Variants in NBAS observed in about 807,000 individuals in gnomAD.
NBAS encodes NBAS subunit of NRZ tethering complex.
A neutral mutation model predicts 302.5 loss-of-function variants in NBAS; 219 were observed. That is an observed-to-expected ratio of 0.72 (90% CI 0.65 to 0.81). The LOEUF (loss-of-function observed/expected upper bound fraction) is 0.81. Among genes scored for constraint, NBAS ranks in the 30% least tolerant of loss-of-function variants. The pLI is 0.00. For missense variants in NBAS, 2,932 were observed against 2,841.6 expected, an observed-to-expected ratio of 1.03 and a Z score of -0.72; for synonymous variants, 1,118 against 1,021.6, an observed-to-expected ratio of 1.09 and a Z score of -1.80.
In NBAS at chr2:15,238,821, T is replaced by C. The variant is rs547718664; in HGVS notation, c.5725-135A>G. ...AACCAATAAATAGCACTTGTTATAC[T>C]AGTTTTTCTTCTGTGAAGAAAACAA... is the stretch of plus-strand genomic sequence containing the variant. On this transcript the variant is annotated intron_variant, in intron 44 of 51. Coordinates refer to ENST00000281513, the MANE Select transcript of NBAS (RefSeq NM_015909.4). 1.1e-5 allele frequency: 8 copies of C among 724,298 alleles called. No homozygotes were observed. The Admixed American group carries it at 1.9e-4, about 17-fold the overall frequency. The allele number at this position is 724,298 out of a possible 1,614,324, so 44.9% of individuals were successfully genotyped here.
rs115161558 is a variant in NBAS, at chr2:15,385,935, C to T, written c.3258-2618G>A. Among the ~76,000 whole-genome samples the T allele has an allele frequency of 8.0e-3, 1,220 of 152,240 alleles. 14 individuals are homozygous for T. Among genetic ancestry groups the T allele is most frequent in the African/African-American group, 0.028 (1,154 of 41,540 alleles). ...GTGGTAGGTAATCTAGCAGCAATTG[C>T]AATGCTTTCCTGCTGAAAAGTAGAT... On this transcript the variant is annotated intron_variant, in intron 28 of 51. Coordinates refer to ENST00000281513, the MANE Select transcript of NBAS (RefSeq NM_015909.4).
chr2:14,796,825 T>C, the NBAS span, among the ~76,000 whole-genome samples: 2 of 150,492 alleles, frequency 1.3e-5, no homozygotes, highest in Non-Finnish European at 2.9e-5. Context: ...ACCTACAGCC[T>C]ATGCCTCCCC....
intron 4 of NBAS, 21 bp downstream of exon 4, chr2:15,554,040 T>TATATA: frequency 6.2e-7 from 1 of 1,601,642 alleles, no homozygotes; most frequent in Non-Finnish European, 8.6e-7. Context: ...CAGAAAAACA[T>TATATA]TGAATTTCAC....
the NBAS span, among the ~76,000 whole-genome samples, chr2:14,864,411 A>T: frequency 6.6e-6 from 1 of 152,142 alleles, no homozygotes. Context: ...ACTACCCAAC[A>T]GGTAGCCATA....
intron 9 of NBAS, among the ~76,000 whole-genome samples, chr2:15,527,753 A>C (rs1662987627): frequency 6.6e-6 from 1 of 152,198 alleles, no homozygotes; most frequent in Non-Finnish European, 1.5e-5. Context: ...ATAGAAAAAA[A>C]TTAACAATAA....
At chr2:15,045,838 A>G in the NBAS span, among the ~76,000 whole-genome samples, 2 of 152,180 alleles carry the variant, frequency 1.3e-5, no homozygotes, top group Non-Finnish European at 2.9e-5. Context: ...ACAGTCTACA[A>G]GAGTTTCTTT....
intron 44 of NBAS, among the ~76,000 whole-genome samples, chr2:15,267,042 A>G (rs942039360): frequency 3.3e-5 from 5 of 152,254 alleles, no homozygotes; most frequent in Non-Finnish European, 7.3e-5. Context: ...ACAAAAAGCC[A>G]TATCAATTTT....
the NBAS span, among the ~76,000 whole-genome samples, chr2:14,889,354 GT>G: frequency 1.3e-5 from 2 of 152,146 alleles, no homozygotes; most frequent in Admixed American, 6.5e-5. Flanking sequence ...ATTTGCTCAT[GT>G]TTTCCATAAA....
chr2:15,500,670 T>TC (rs1293240812), intron 11 of NBAS, among the ~76,000 whole-genome samples: 3 of 151,138 alleles, frequency 2.0e-5, no homozygotes, highest in Non-Finnish European at 4.4e-5. Flanking sequence ...GTGCGGTGGC[T>TC]CACGCCTGTA....
chr2:14,942,961 C>A, the NBAS span, among the ~76,000 whole-genome samples: 1 of 152,222 alleles, frequency 6.6e-6, no homozygotes, highest in Non-Finnish European at 1.5e-5. Context: ...TGCAGATCTG[C>A]CTTCTTCTCT....
chr2:15,217,499 A>G (rs1356842205), intron 48 of NBAS, among the ~76,000 whole-genome samples: 2 of 152,242 alleles, frequency 1.3e-5, no homozygotes, highest in African/African-American at 4.8e-5. Context: ...AGTAATAACC[A>G]TATAAATTAT....
chr2:15,201,219 C>A (rs1009845321), intron 48 of NBAS, among the ~76,000 whole-genome samples: 1 of 152,140 alleles, frequency 6.6e-6, no homozygotes, highest in Non-Finnish European at 1.5e-5. Context: ...CTGTGCAATA[C>A]CTTTCATGAA....
intron 35 of NBAS, among the ~76,000 whole-genome samples, chr2:15,339,514 A>G (rs1672750951): frequency 6.6e-6 from 1 of 152,208 alleles, no homozygotes; most frequent in African/African-American, 2.4e-5. Context: ...ACAAATATTT[A>G]TGACACCAAC....
At chr2:15,199,963 A>T (rs1665801557) in intron 48 of NBAS, among the ~76,000 whole-genome samples, 1 of 144,112 alleles carries the variant, frequency 6.9e-6, no homozygotes, top group African/African-American at 2.6e-5. Context: ...GTGCAGTGGC[A>T]TGAATCAGGG....
chr2:15,435,684 C>T (rs1416063091), intron 21 of NBAS, among the ~76,000 whole-genome samples: 2 of 152,178 alleles, frequency 1.3e-5, no homozygotes, highest in African/African-American at 4.8e-5. Flanking sequence ...GCTCAAATTC[C>T]AGCTTCCCAA....
intron 29 of NBAS, among the ~76,000 whole-genome samples, chr2:15,382,745 A>G (rs1675102638): frequency 6.6e-6 from 1 of 152,172 alleles, no homozygotes; most frequent in Non-Finnish European, 1.5e-5. Flanking sequence ...CTTTTTGATT[A>G]TTGATATGGA....
At chr2:15,447,112 A>G (rs1348186311) in intron 21 of NBAS, among the ~76,000 whole-genome samples, 2 of 152,208 alleles carry the variant, frequency 1.3e-5, no homozygotes, top group African/African-American at 4.8e-5. Flanking sequence ...GAAAATACCA[A>G]TGGGACAGTA....
the NBAS span, among the ~76,000 whole-genome samples, chr2:14,978,220 G>A: frequency 1.2e-4 from 18 of 152,168 alleles, no homozygotes; most frequent in African/African-American, 3.9e-4. Flanking sequence ...CCAAGACAGC[G>A]TAATTCTCTT....
At chr2:15,046,478 AC>A in the NBAS span, among the ~76,000 whole-genome samples, 3 of 152,216 alleles carry the variant, frequency 2.0e-5, no homozygotes, top group Non-Finnish European at 4.4e-5. Flanking sequence ...CAAACTTTGA[AC>A]ACTACTCTTC....
Sources: gnomAD v4.1 joint callset for allele counts (sites outside exome capture counted in the v4.1 genomes callset) on GRCh38, gnomAD v4.1.1 for gene constraint, MANE v1.5 for transcripts, NCBI Gene and HGNC (gene_info 2026-07-23, HGNC 2026-07-21) for gene names.